The following SENP7 variants were observed in gnomAD, a reference collection of about 807,000 sequenced individuals.
The protein encoded by SENP7 is sentrin-specific protease 7.
In SENP7, 64 loss-of-function variants were observed where a neutral mutation model predicts 141.2. The observed-to-expected ratio is 0.45, with a 90% CI of 0.37 to 0.56. The LOEUF (loss-of-function observed/expected upper bound fraction) is 0.56, where lower values mean the gene tolerates loss of function less well. Among genes scored for constraint, SENP7 ranks in the 20% least tolerant of loss-of-function variants. SENP7 has a pLI of 0.00. For synonymous variants in SENP7, 382 were observed against 426.4 expected, an observed-to-expected ratio of 0.90 and a Z score of 1.28; for missense variants, 1,025 against 1,212.2, an observed-to-expected ratio of 0.85 and a Z score of 2.29.
rs921500219 is a variant in SENP7, at chr3:101,483,228, A to G, written c.186+10645T>C. The stretch of plus-strand genomic sequence containing the variant: ...TCAGTGGTGGACTGGATTAAAAAAA[A>G]GTGGTACATACACACCATGGAATGC... On this transcript the variant is annotated intron_variant, in intron 3 of 23. Coordinates refer to ENST00000394095, the MANE Select transcript of SENP7 (RefSeq NM_020654.5). 6.4e-4 allele frequency among the ~76,000 whole-genome samples: 98 copies of G among 152,222 alleles called. 3 individuals are homozygous for G. Among genetic ancestry groups the G allele is most frequent in the Non-Finnish European group, 4.7e-4 (32 of 68,042 alleles).
chr3:101,423,206 C>T (rs964449296), intron 4 of SENP7, among the ~76,000 whole-genome samples: 2 of 151,820 alleles, frequency 1.3e-5, no homozygotes, highest in Admixed American at 1.3e-4. Context: ...TTTTTCTGGT[C>T]TTTAAAAAAA....
intron 2 of SENP7, among the ~76,000 whole-genome samples, chr3:101,499,870 T>C (rs1038447696): frequency 1.3e-5 from 2 of 152,104 alleles, no homozygotes; most frequent in African/African-American, 2.4e-5. Context: ...GGTTTCACCA[T>C]GTTGGCCAGG....
intron 3 of SENP7, among the ~76,000 whole-genome samples, chr3:101,476,609 T>C (rs1040911927): frequency 6.6e-6 from 1 of 152,230 alleles, no homozygotes; most frequent in Non-Finnish European, 1.5e-5. Context: ...TTTGGGTATA[T>C]ATACCCAGTA....
At chr3:101,357,710 CAT>C (rs1285541669) in intron 11 of SENP7, 15 of 689,474 alleles carry the variant, frequency 2.2e-5, no homozygotes, top group Non-Finnish European at 4.0e-5. Flanking sequence ...GAAAGTCTCT[CAT>C]AAATTTTCAA....
rs1264188107 is a variant in SENP7, at chr3:101,331,977, G to A, written c.2698+8C>T. ...TATTAAAAACACCATCTACGTTATG[G>A]ATGTCACCTATTGTTTTGTTGTCAT... On this transcript the variant is annotated splice_region_variant and intron_variant, in intron 19 of 23. Transcript: ENST00000394095. The A allele has an allele frequency of 6.2e-7, 1 of 1,611,908 alleles. No homozygotes were observed. The highest frequency in any genetic ancestry group is 2.2e-5 in the East Asian group (1 of 44,742).
chr3:101,333,045 A>T (rs1237710945), intron 17 of SENP7, 183 bp from the exon 18 acceptor site: 3 of 561,616 alleles, frequency 5.3e-6, no homozygotes, highest in African/African-American at 2.0e-5. Flanking sequence ...TCTTAAATTT[A>T]ATAACTATAA....
chr3:101,455,031 G>T (rs1355502377), intron 4 of SENP7, among the ~76,000 whole-genome samples: 1 of 151,968 alleles, frequency 6.6e-6, no homozygotes, highest in Non-Finnish European at 1.5e-5. Context: ...TTTTAAAAAA[G>T]CACTAAAAAG....
At chr3:101,351,372 T>G (rs1177726046) in intron 12 of SENP7, among the ~76,000 whole-genome samples, 1 of 151,756 alleles carries the variant, frequency 6.6e-6, no homozygotes, top group Non-Finnish European at 1.5e-5. Flanking sequence ...AAAATATTGT[T>G]GCTATCTATC....
chr3:101,409,921 A>G (rs186797984), intron 5 of SENP7, among the ~76,000 whole-genome samples: 1 of 152,336 alleles, frequency 6.6e-6, no homozygotes, highest in East Asian at 1.9e-4. Flanking sequence ...CAATAAAAAC[A>G]AAGTTAAATT....
chr3:101,401,161 C>A (rs890911428), intron 5 of SENP7, among the ~76,000 whole-genome samples: 9 of 151,512 alleles, frequency 5.9e-5, no homozygotes, highest in African/African-American at 2.2e-4. Context: ...AAAGCTGAGA[C>A]AGGCTGAAAG....
rs532956992 is a variant in SENP7, at chr3:101,511,850, C to T, written c.40+1241G>A. ...GTTGTTGTTGTTTGATACAGAGTCT[C>T]GCTCTGTTGCCCAGGCTGGAGTGCA... On this transcript the variant is annotated intron_variant, in intron 1 of 23. Coordinates refer to ENST00000394095, the MANE Select transcript of SENP7 (RefSeq NM_020654.5). Among the ~76,000 whole-genome samples the T allele has an allele frequency of 9.4e-4, 143 of 152,132 alleles. 2 individuals carry two copies. The highest frequency in any genetic ancestry group is 3.0e-3 in the African/African-American group (124 of 41,512).
Position 101,484,481 on chromosome 3 carries a change from C to T in SENP7, c.186+9392G>A, listed in dbSNP as rs148169025. ...GACAGCAACAACAAACCAGCAATCC[C>T]GAGAGGGCCCACAGACCCTCTAAAG... On this transcript the variant is annotated intron_variant, in intron 3 of 23. Coordinates refer to ENST00000394095, the MANE Select transcript of SENP7 (RefSeq NM_020654.5). Among the ~76,000 whole-genome samples the T allele has an allele frequency of 4.5e-4, 69 of 152,164 alleles. No individual in the cohort carries two copies. In the East Asian group the frequency reaches 0.011, roughly 25 times the overall value.
At chr3:101,458,877 C>A in intron 4 of SENP7, 78 bp downstream of exon 4, 1 of 826,144 alleles carries the variant, frequency 1.2e-6, no homozygotes, top group Non-Finnish European at 1.9e-6. Flanking sequence ...TAATTGAGAA[C>A]CAACAAGCTT....
intron 17 of SENP7, among the ~76,000 whole-genome samples, chr3:101,335,879 G>A (rs549986658): frequency 6.6e-6 from 1 of 152,228 alleles, no homozygotes; most frequent in East Asian, 1.9e-4. Flanking sequence ...TCAAATTGCA[G>A]TTTTCTCCTT....
chr3:101,364,863 G>C lies in SENP7; in HGVS notation c.1447C>G (p.Leu483Val), dbSNP rs770277801. The C allele has an allele frequency of 6.9e-6, 11 of 1,599,222 alleles. No homozygotes were observed. The South Asian group carries it at 1.2e-4, about 18-fold the overall frequency. ...ESTSESALLELPLITCESVQM... is the reference protein window; with the variant it reads ...ESTSESALLEVPLITCESVQM... ...ACAGATTCACATGTAATCAATGGTA[G>C]TTCTAACAATGCTGATTCAGAAGTA... is the stretch of plus-strand genomic sequence containing the variant. Residue 483 changes from leucine to valine, a missense_variant, in exon 10 of 24, where the codon CTA (leucine) becomes GTA (valine). Leu to Val is a conservative substitution (Grantham distance 32). This residue lies in a region of SENP7 where 228 missense variants were observed against 228.5 expected (regional missense o/e 1.00). Coordinates refer to ENST00000394095, the MANE Select transcript of SENP7 (RefSeq NM_020654.5).
At chr3:101,507,434 T>C (rs1223540008) in intron 1 of SENP7, among the ~76,000 whole-genome samples, 1 of 152,224 alleles carries the variant, frequency 6.6e-6, no homozygotes, top group African/African-American at 2.4e-5. Flanking sequence ...CCTCATATAA[T>C]TGAATTCTAC....
intron 8 of SENP7, 29 bp downstream of exon 8, chr3:101,367,801 T>G: frequency 7.4e-7 from 1 of 1,348,210 alleles, no homozygotes; most frequent in Non-Finnish European, 1.0e-6. Flanking sequence ...TGAAATTATT[T>G]CCTATAATAT....
At chr3:101,398,836 T>G in intron 6 of SENP7, 25 bp downstream of exon 6, 3 of 1,432,846 alleles carry the variant, frequency 2.1e-6, no homozygotes, top group Non-Finnish European at 2.8e-6. Flanking sequence ...ATAATTATTT[T>G]GAGTAAAGTT....
In SENP7 at chr3:101,324,708, C is replaced by G. The variant is rs1315621743; in HGVS notation, c.*1235G>C. ...ATCTTAATTTGCCTTTGCTTCACTGCTTTATGTAGTTATAATGTAAATCTA... is the reference window on the plus strand; with the variant it reads ...ATCTTAATTTGCCTTTGCTTCACTGGTTTATGTAGTTATAATGTAAATCTA... On this transcript the variant is annotated 3_prime_UTR_variant, in exon 24 of 24. Coordinates refer to ENST00000394095, the MANE Select transcript of SENP7 (RefSeq NM_020654.5). The G allele has an allele frequency of 6.6e-6, 1 of 151,960 alleles. No homozygotes were observed. The allele number at this position is 151,960 out of a possible 1,614,324, so 9.4% of individuals were successfully genotyped here.
Sources: gnomAD v4.1 joint callset for allele counts (sites outside exome capture counted in the v4.1 genomes callset) on GRCh38, gnomAD v4.1.1 for gene constraint, gnomAD v4.1.1 regional missense constraint, MANE v1.5 for transcripts, NCBI Gene and HGNC (gene_info 2026-07-23, HGNC 2026-07-21) for gene names.